ELMO1: variants seen among roughly 807,000 people sequenced by gnomAD.
ELMO1 encodes engulfment and cell motility 1, also known as engulfment and cell motility protein 1.
A neutral mutation model predicts 98.9 loss-of-function variants in ELMO1; 26 were observed. That is an observed-to-expected ratio of 0.26 (90% CI 0.19 to 0.36). The LOEUF is 0.36. Ranked by LOEUF, ELMO1 falls within the 10% of genes least tolerant of loss-of-function variation. ELMO1 has a pLI of 1.00. For missense variants in ELMO1, 627 were observed against 935.2 expected (o/e 0.67, Z 4.30); for synonymous variants, 346 against 346.0 (o/e 1.00, Z 0.00).
At chr7:36,990,801 T>G (rs1308406837) in intron 16 of ELMO1, among the ~76,000 whole-genome samples, 2 of 152,176 alleles carry the variant, frequency 1.3e-5, no homozygotes, top group African/African-American at 4.8e-5. Context: ...TATACATGTA[T>G]TTTTGAATAA....
At chr7:36,899,697 T>TTTTTTTTTTTTTTTTTTTTTC (rs1486157254) in intron 16 of ELMO1, among the ~76,000 whole-genome samples, 2 of 143,528 alleles carry the variant, frequency 1.4e-5, no homozygotes, top group East Asian at 2.0e-4. Context: ...TTTTTTTTTT[T>TTTTTTTTTTTTTTTTTTTTTC]TTTACCACTC....
intron 8 of ELMO1, among the ~76,000 whole-genome samples, chr7:37,226,553 A>T (rs948486813): frequency 8.5e-5 from 13 of 152,102 alleles, no homozygotes; most frequent in African/African-American, 3.1e-4. Flanking sequence ...ACCATTTTTC[A>T]CGCTCTCGGC....
Position 37,096,693 on chromosome 7 carries a change from T to C in ELMO1, c.1226A>G (p.His409Arg). The change falls in exon 15 of 22, where the codon CAT becomes CGT. Residue 409 changes from histidine (H) to arginine (R), a missense_variant. Coordinates refer to ENST00000310758, the MANE Select transcript of ELMO1 (RefSeq NM_014800.11). ...VLENSSREDK[H>R]ECPFGRSSIE... ...ACTACTGCGGCCAAAGGGACATTCA[T>C]GCTTGTCTTCTCGACTACTGTTCTC... The C allele has an allele frequency of 6.2e-7, 1 of 1,614,182 alleles. No individual in the cohort carries two copies. The highest frequency in any genetic ancestry group is 2.2e-5 in the East Asian group (1 of 44,882).
At chr7:37,105,128 C>T (rs1268463965) in intron 14 of ELMO1, among the ~76,000 whole-genome samples, 2 of 152,190 alleles carry the variant, frequency 1.3e-5, no homozygotes, top group Non-Finnish European at 2.9e-5. Context: ...TGATATAGTG[C>T]AACAAAAGCA....
chr7:37,347,697 TC>T (rs1320659376), intron 1 of ELMO1, among the ~76,000 whole-genome samples: 1 of 152,106 alleles, frequency 6.6e-6, no homozygotes, highest in Non-Finnish European at 1.5e-5. Context: ...ACCCTTTTTT[TC>T]CTTTATAAAT....
At chr7:37,328,702 A>G (rs1048964382) in intron 2 of ELMO1, among the ~76,000 whole-genome samples, 8 of 152,162 alleles carry the variant, frequency 5.3e-5, no homozygotes, top group Non-Finnish European at 8.8e-5. Context: ...CATAAATTAT[A>G]AAATCCTAAA....
intron 18 of ELMO1, among the ~76,000 whole-genome samples, chr7:36,878,623 C>T (rs191782450): frequency 2.0e-5 from 3 of 152,268 alleles, no homozygotes; most frequent in Admixed American, 6.5e-5. Context: ...TAATCATGAA[C>T]GAATTGTTAG....
chr7:37,230,970 G>A (rs760991791), intron 8 of ELMO1, among the ~76,000 whole-genome samples: 4 of 152,180 alleles, frequency 2.6e-5, no homozygotes, highest in Non-Finnish European at 4.4e-5. Context: ...TGGTGCAAAC[G>A]TAATTGCGGT....
intron 1 of ELMO1, chr7:37,375,699 G>A: frequency 7.9e-7 from 1 of 1,265,404 alleles, no homozygotes; most frequent in Non-Finnish European, 1.2e-6. Flanking sequence ...GCTGTGTGAA[G>A]GAACAGTTTG....
At chr7:36,920,737 C>T (rs1319145908) in intron 16 of ELMO1, among the ~76,000 whole-genome samples, 1 of 152,122 alleles carries the variant, frequency 6.6e-6, no homozygotes, top group Non-Finnish European at 1.5e-5. Context: ...TCATTTTCTA[C>T]TGTTAGACTG....
Position 36,855,765 on chromosome 7 carries a change from A to G in ELMO1, c.1984-14T>C, listed in dbSNP as rs1584254646. On this transcript the variant is annotated splice_polypyrimidine_tract_variant and intron_variant, in intron 21 of 21. Coordinates refer to ENST00000310758, the MANE Select transcript of ELMO1 (RefSeq NM_014800.11). This position sits in a 1 kb window ranked among gnomAD's most constrained non-coding sequence, Gnocchi z 4.2. ...CCAGATACAGTACTGGCAGGAAGGGAGGCAACAGCGATCATTACTGGTGGC... is the reference window on the plus strand; with the variant it reads ...CCAGATACAGTACTGGCAGGAAGGGGGGCAACAGCGATCATTACTGGTGGC... 6.2e-7 allele frequency: 1 copy of G among 1,613,790 alleles called. No homozygotes were observed. Among genetic ancestry groups the G allele is most frequent in the Non-Finnish European group, 8.5e-7 (1 of 1,179,840 alleles).
At chr7:36,948,824 G>A (rs745416983) in intron 16 of ELMO1, among the ~76,000 whole-genome samples, 9 of 152,116 alleles carry the variant, frequency 5.9e-5, no homozygotes, top group Non-Finnish European at 1.3e-4. Context: ...TCTAGGATAT[G>A]CTCCCTATAG....
At chr7:36,966,003 A>G (rs191146490) in intron 16 of ELMO1, among the ~76,000 whole-genome samples, 283 of 152,338 alleles carry the variant, frequency 1.9e-3, no homozygotes, top group African/African-American at 6.4e-3. Flanking sequence ...AAAAATGAAT[A>G]TACTTCATTT....
chr7:36,974,934 C>A (rs139024338), intron 16 of ELMO1, among the ~76,000 whole-genome samples: 10,748 of 151,952 alleles, frequency 0.071, 511 homozygotes, highest in Middle Eastern at 0.17. Context: ...AACTTCACTC[C>A]TGAGCCAGCG....
At chr7:37,234,536 A>C (rs539957383) in intron 7 of ELMO1, among the ~76,000 whole-genome samples, 1 of 152,334 alleles carries the variant, frequency 6.6e-6, no homozygotes, top group South Asian at 2.1e-4. Flanking sequence ...GACCAGGGGC[A>C]ACAGAGGGGA....
intron 16 of ELMO1, among the ~76,000 whole-genome samples, chr7:36,901,102 T>C (rs1806472860): frequency 6.6e-6 from 1 of 152,152 alleles, no homozygotes; most frequent in South Asian, 2.1e-4. Flanking sequence ...GTAGGGACAA[T>C]TATTGATCCC....
intron 8 of ELMO1, among the ~76,000 whole-genome samples, chr7:37,231,894 C>T (rs1794193980): frequency 6.6e-6 from 1 of 152,068 alleles, no homozygotes; most frequent in Non-Finnish European, 1.5e-5. Flanking sequence ...ACTCCGTCAC[C>T]CAGACTGGAG....
intron 15 of ELMO1, among the ~76,000 whole-genome samples, chr7:37,030,948 T>C (rs745984064): frequency 1.6e-4 from 24 of 152,176 alleles, no homozygotes; most frequent in Admixed American, 7.2e-4. Context: ...AAAGTCAAAA[T>C]TGACAAAACA....
chr7:36,904,042 G>A (rs542631296), intron 16 of ELMO1, among the ~76,000 whole-genome samples: 45 of 152,330 alleles, frequency 3.0e-4, no homozygotes, highest in Middle Eastern at 3.4e-3. Flanking sequence ...CAGGCTACCT[G>A]GATCAGGCAC....
Sources: allele counts gnomAD v4.1 joint callset (sites outside exome capture counted in the v4.1 genomes callset), GRCh38; gene constraint gnomAD v4.1.1; non-coding constraint Gnocchi (gnomAD v3.1); transcripts MANE v1.5; gene names NCBI Gene and HGNC (gene_info 2026-07-23, HGNC 2026-07-21).